Variants in EEIG1 observed in about 807,000 individuals in gnomAD.
EEIG1 encodes the protein early estrogen-induced gene 1 protein.
At chr9:127,967,230 G>A in the EEIG1 span, among the ~76,000 whole-genome samples, 11 of 152,268 alleles carry the variant, frequency 7.2e-5, no homozygotes, top group South Asian at 2.1e-4. Context: ...AGGCCCCCCA[G>A]CAGGCAAGCT....
At chr9:127,965,680 T>G in the EEIG1 span, among the ~76,000 whole-genome samples, 1 of 152,216 alleles carries the variant, frequency 6.6e-6, no homozygotes, top group Admixed American at 6.5e-5. Context: ...TCCCGGCTGA[T>G]GAAACCCAGC....
At chr9:127,951,738 A>G in the EEIG1 span, among the ~76,000 whole-genome samples, 1 of 145,778 alleles carries the variant, frequency 6.9e-6, no homozygotes, top group Non-Finnish European at 1.5e-5. Context: ...AATGGCGTGA[A>G]CCCGGGAGGC....
At chr9:127,952,240 C>A in the EEIG1 span, among the ~76,000 whole-genome samples, 6 of 152,364 alleles carry the variant, frequency 3.9e-5, no homozygotes, top group East Asian at 1.2e-3. Flanking sequence ...CGCCCCGGGC[C>A]AGGGCAGAGT....
chr9:127,943,346 C>A, the EEIG1 span: 6 of 1,089,806 alleles, frequency 5.5e-6, no homozygotes, highest in Non-Finnish European at 7.1e-6. Context: ...GTTAACCAGC[C>A]CTGTGTTGCA....
chr9:127,942,141 T>A, the EEIG1 span: 2 of 152,696 alleles, frequency 1.3e-5, no homozygotes, highest in African/African-American at 4.8e-5. Flanking sequence ...GAGGCTTTTC[T>A]GGTAAGGAAG....
chr9:127,956,620 G>A, the EEIG1 span, among the ~76,000 whole-genome samples: 4 of 151,936 alleles, frequency 2.6e-5, no homozygotes, highest in African/African-American at 4.8e-5. Context: ...TGTGTTGGCC[G>A]GGCTGGTCTT....
At chr9:127,963,413 C>T in the EEIG1 span, among the ~76,000 whole-genome samples, 1 of 152,254 alleles carries the variant, frequency 6.6e-6, no homozygotes, top group East Asian at 1.9e-4. Flanking sequence ...CCCCGCTCCC[C>T]GCTGCCAGGA....
chr9:127,950,619 CA>C, the EEIG1 span: 1 of 1,564,988 alleles, frequency 6.4e-7, no homozygotes, highest in Non-Finnish European at 8.7e-7. Flanking sequence ...GGTAACTTGG[CA>C]AAAGTTGGAG....
chr9:127,964,102 G>T, the EEIG1 span, among the ~76,000 whole-genome samples: 116 of 152,276 alleles, frequency 7.6e-4, no homozygotes, highest in Middle Eastern at 0.01. Flanking sequence ...AAAGCCGGGG[G>T]GTGGATGAGG....
At chr9:127,965,106 C>CAAA in the EEIG1 span, among the ~76,000 whole-genome samples, 4 of 69,724 alleles carry the variant, frequency 5.7e-5, no homozygotes, top group South Asian at 1.2e-3. Context: ...AAGACTGTCT[C>CAAA]AAAAAAAAAA....
At chr9:127,951,966 C>T in the EEIG1 span, among the ~76,000 whole-genome samples, 4 of 152,326 alleles carry the variant, frequency 2.6e-5, no homozygotes, top group East Asian at 7.7e-4. Flanking sequence ...TCAGTTTCCT[C>T]CTCTGTATAA....
the EEIG1 span, chr9:127,944,422 G>C: frequency 1.5e-5 from 9 of 606,944 alleles, no homozygotes; most frequent in Non-Finnish European, 1.2e-5. Flanking sequence ...CACTGCCCCA[G>C]GCTCCCAGGT....
the EEIG1 span, among the ~76,000 whole-genome samples, chr9:127,975,392 A>C: frequency 6.6e-6 from 1 of 152,218 alleles, no homozygotes; most frequent in Non-Finnish European, 1.5e-5. Context: ...AAAGGCCAGA[A>C]GAGGGGCCTC....
chr9:127,949,671 C>A, the EEIG1 span, among the ~76,000 whole-genome samples: 6 of 152,250 alleles, frequency 3.9e-5, no homozygotes, highest in African/African-American at 1.4e-4. Flanking sequence ...AGAGCCCCTG[C>A]TCACCACCTC....
At chr9:127,947,319 C>T in the EEIG1 span, among the ~76,000 whole-genome samples, 1 of 151,292 alleles carries the variant, frequency 6.6e-6, no homozygotes, top group African/African-American at 2.4e-5. Flanking sequence ...GCCTGTAGTC[C>T]CAGCTACTCG....
chr9:127,958,136 C>T, the EEIG1 span, among the ~76,000 whole-genome samples: 1 of 152,176 alleles, frequency 6.6e-6, no homozygotes, highest in Admixed American at 6.5e-5. Flanking sequence ...TATCAACATG[C>T]AGGAGAATGA....
chr9:127,953,562 C>G, the EEIG1 span: 2 of 1,613,730 alleles, frequency 1.2e-6, no homozygotes, highest in Non-Finnish European at 1.7e-6. Flanking sequence ...CCCCTTCACA[C>G]AGCCCCTCTT....
At chr9:127,979,914 G>C in the EEIG1 span, 10 of 1,497,096 alleles carry the variant, frequency 6.7e-6, no homozygotes, top group African/African-American at 1.4e-4. Flanking sequence ...GGCCCCAAGG[G>C]GCCCTTCCAC....
At chr9:127,944,955 C>A in the EEIG1 span, 3 of 1,573,622 alleles carry the variant, frequency 1.9e-6, no homozygotes, top group African/African-American at 1.3e-5. Context: ...CAGGTACAAG[C>A]ACAGAACGAC....
Sources: gnomAD v4.1 joint callset for allele counts (sites outside exome capture counted in the v4.1 genomes callset) on GRCh38, gnomAD v4.1.1 for gene constraint, MANE v1.5 for transcripts, NCBI Gene and HGNC (gene_info 2026-07-23, HGNC 2026-07-21) for gene names.